PDE11A: variants seen among roughly 807,000 people sequenced by gnomAD.
PDE11A encodes the protein phosphodiesterase 11A.
PDE11A carries 100 observed loss-of-function variants against 100.5 expected under a neutral mutation model. That is an observed-to-expected ratio of 1.00 (90% confidence interval 0.85 to 1.18). The LOEUF is 1.18. Ranked by LOEUF, PDE11A falls within the 50% of genes most tolerant of loss-of-function variation. PDE11A has a pLI of 0.00. For synonymous variants in PDE11A, 381 were observed against 420.8 expected (o/e 0.91, Z 1.16); for missense variants, 1,141 against 1,152.6 (o/e 0.99, Z 0.15).
intron 1 of PDE11A, among the ~76,000 whole-genome samples, chr2:178,027,043 G>A (rs2086487450): frequency 6.6e-6 from 1 of 152,118 alleles, no homozygotes; most frequent in Non-Finnish European, 1.5e-5. Context: ...CCAATATCTA[G>A]CTTTATTGAA....
At chr2:177,686,839 CTGAG>C (rs1429558838) in intron 15 of PDE11A, 1 of 151,636 alleles carries the variant, frequency 6.6e-6, no homozygotes, top group African/African-American at 2.4e-5. Context: ...CCTCAGCCTC[CTGAG>C]TAATTGGGAT....
Position 177,628,180 on chromosome 2 carries a change from A to G in PDE11A, c.*1227T>C, listed in dbSNP as rs774771831. 2.8e-4 allele frequency: 43 copies of G among 152,670 alleles called. No homozygotes were observed. The highest frequency in any genetic ancestry group is 5.3e-4 in the Non-Finnish European group (36 of 68,046). 9.5% of individuals were successfully genotyped at this position (152,670 alleles called of 1,614,324 possible). A position where few individuals can be genotyped will look rare whatever the true frequency, so the allele number is the denominator to read the frequency against. Reference sequence around the variant, plus strand: ...CCTAGTGTAATCTAATTTGACAAATAAGGAAACAAGCTTGTAGAAGTTAAG... The same window carrying G: ...CCTAGTGTAATCTAATTTGACAAATGAGGAAACAAGCTTGTAGAAGTTAAG... On this transcript the variant is annotated 3_prime_UTR_variant, in exon 20 of 20. Coordinates refer to ENST00000286063, the MANE Select transcript of PDE11A (RefSeq NM_016953.4).
intron 18 of PDE11A, among the ~76,000 whole-genome samples, chr2:177,668,118 G>A (rs140326449): frequency 3.9e-5 from 6 of 152,242 alleles, no homozygotes; most frequent in South Asian, 2.1e-4. Context: ...TGTTTCTACC[G>A]CAAAATTAAT....
intron 9 of PDE11A, among the ~76,000 whole-genome samples, chr2:177,783,290 T>C (rs1261531410): frequency 6.6e-6 from 1 of 152,210 alleles, no homozygotes; most frequent in East Asian, 1.9e-4. Context: ...TGAGGAATGC[T>C]GGGGCCTATG....
At chr2:178,042,502 A>G (rs2086697097) in intron 1 of PDE11A, among the ~76,000 whole-genome samples, 1 of 151,804 alleles carries the variant, frequency 6.6e-6, no homozygotes, top group Non-Finnish European at 1.5e-5. Flanking sequence ...AGAAGAAAAA[A>G]GTCCATCCTA....
intron 1 of PDE11A, among the ~76,000 whole-genome samples, chr2:178,031,293 A>G (rs143819781): frequency 3.5e-3 from 539 of 152,338 alleles, no homozygotes; most frequent in African/African-American, 0.012. Flanking sequence ...GAGACCTGTT[A>G]TAATCAGTCT....
At chr2:177,742,286 C>T (rs1219752305) in intron 10 of PDE11A, among the ~76,000 whole-genome samples, 2 of 152,048 alleles carry the variant, frequency 1.3e-5, no homozygotes, top group Admixed American at 6.6e-5. Context: ...AAGATTTTCC[C>T]TTCTCGGGGA....
upstream of PDE11A, among the ~76,000 whole-genome samples, chr2:178,077,046 G>A (rs1450379824): frequency 6.6e-6 from 1 of 152,116 alleles, no homozygotes; most frequent in Non-Finnish European, 1.5e-5. Context: ...TTGCAAGAGG[G>A]TAAGCCCAAT....
At chr2:178,089,114 T>C (rs1021277802) in intron 2 of PDE11A, among the ~76,000 whole-genome samples, 6 of 152,134 alleles carry the variant, frequency 3.9e-5, no homozygotes, top group Non-Finnish European at 7.3e-5. Flanking sequence ...GAATAAGGAA[T>C]TTATTATAGG....
chr2:177,909,849 G>A lies in PDE11A; in HGVS notation c.1072-4662C>T, dbSNP rs188056023. Among the ~76,000 whole-genome samples the A allele has an allele frequency of 6.8e-4, 103 of 152,252 alleles. No individual in the cohort carries two copies. The East Asian group carries it at 0.014, about 20-fold the overall frequency. ...CTTAAAAGGTAAGGTAGTTGGGTAT[G>A]CAATCCTAGGCTTACACTTATTTTC... On this transcript the variant is annotated intron_variant, in intron 2 of 19. Coordinates refer to ENST00000286063, the MANE Select transcript of PDE11A (RefSeq NM_016953.4).
At chr2:177,837,946 T>C (rs7609487) in intron 6 of PDE11A, among the ~76,000 whole-genome samples, 31,583 of 152,180 alleles carry the variant, frequency 0.21, 3,368 homozygotes, top group Middle Eastern at 0.26. Flanking sequence ...AGGACCTTTA[T>C]GGTTTTTTTC....
intron 1 of PDE11A, among the ~76,000 whole-genome samples, chr2:178,033,475 TTC>T: frequency 6.6e-6 from 1 of 152,162 alleles, no homozygotes; most frequent in Non-Finnish European, 1.5e-5. Flanking sequence ...GAAAACACAC[TTC>T]AGGATATCAT....
rs1383273902 is a variant in PDE11A, at chr2:177,672,749, G to A, written c.2487+2706C>T. ...AACAGGCTTATAACCAGGAATGAAA[G>A]GAAATGGAAATAGTCGCAAATTCAG... On this transcript the variant is annotated intron_variant, in intron 17 of 19. Transcript: ENST00000286063. Among the ~76,000 whole-genome samples, 4 of 152,226 alleles carry A rather than the reference G, an allele frequency of 2.6e-5. No individual in the cohort carries two copies. In the East Asian group the frequency reaches 5.8e-4, roughly 22 times the overall value.
chr2:177,939,397 A>G, intron 2 of PDE11A, among the ~76,000 whole-genome samples: 1 of 139,344 alleles, frequency 7.2e-6, no homozygotes, highest in African/African-American at 2.6e-5. Flanking sequence ...GGAGGGAGAG[A>G]GGGAGGGAAG....
intron 1 of PDE11A, among the ~76,000 whole-genome samples, chr2:178,016,821 A>G (rs2086344550): frequency 6.6e-6 from 1 of 152,216 alleles, no homozygotes; most frequent in South Asian, 2.1e-4. Flanking sequence ...CAATGTGGCT[A>G]GAGTAGAGGG....
At position 177,839,039 on chromosome 2, in the gene PDE11A, G is replaced by A. The variant is rs139651037; in HGVS notation, c.1500+1212C>T. Among the ~76,000 whole-genome samples the A allele has an allele frequency of 2.0e-4, 30 of 152,326 alleles. No homozygotes were observed. In the East Asian group the frequency reaches 5.8e-3, roughly 29 times the overall value. ...AAGGAATAGAAAATACATGGAAAATGTAGCCTGGGGAAGAGAGTTCTAGGC... is the reference window on the plus strand; with the variant it reads ...AAGGAATAGAAAATACATGGAAAATATAGCCTGGGGAAGAGAGTTCTAGGC... On this transcript the variant is annotated intron_variant, in intron 6 of 19. Transcript: ENST00000286063.
chr2:177,649,280 A>C (rs2080272105), intron 19 of PDE11A, among the ~76,000 whole-genome samples: 1 of 152,172 alleles, frequency 6.6e-6, no homozygotes, highest in Non-Finnish European at 1.5e-5. Flanking sequence ...ATTTCTCCTA[A>C]AAATAAAGTA....
At chr2:177,920,528 C>T (rs999863890) in intron 2 of PDE11A, among the ~76,000 whole-genome samples, 3 of 151,868 alleles carry the variant, frequency 2.0e-5, no homozygotes, top group Admixed American at 6.6e-5. Context: ...TACCCAGGGC[C>T]AATAATAATA....
intron 5 of PDE11A, among the ~76,000 whole-genome samples, chr2:177,848,571 C>G (rs987575448): frequency 1.3e-5 from 2 of 152,172 alleles, no homozygotes; most frequent in Non-Finnish European, 2.9e-5. Flanking sequence ...ATCTTGCTTC[C>G]AAATGTGAGA....
Sources: gnomAD v4.1 joint callset for allele counts (sites outside exome capture counted in the v4.1 genomes callset) on GRCh38, gnomAD v4.1.1 for gene constraint, MANE v1.5 for transcripts, NCBI Gene and HGNC (gene_info 2026-07-23, HGNC 2026-07-21) for gene names.